Variants in TTC27 observed in about 807,000 individuals in gnomAD.
TTC27 encodes the protein tetratricopeptide repeat protein 27.
Under a neutral mutation model 115.9 loss-of-function variants are expected in TTC27, and 79 were observed. The observed-to-expected ratio is 0.68, with a 90% CI of 0.57 to 0.82. TTC27 has a LOEUF of 0.82. Among genes scored for constraint, TTC27 ranks in the 40% least tolerant of loss-of-function variants. The pLI is 0.00. For missense variants in TTC27, 1,054 were observed against 993.1 expected, an observed-to-expected ratio of 1.06 and a Z score of -0.82; for synonymous variants, 401 against 356.0, an observed-to-expected ratio of 1.13 and a Z score of -1.42.
At chr2:32,802,073 A>T (rs780714613) in intron 16 of TTC27, among the ~76,000 whole-genome samples, 11 of 152,120 alleles carry the variant, frequency 7.2e-5, no homozygotes, top group Non-Finnish European at 1.3e-4. Flanking sequence ...TAGAAAGCGG[A>T]TGGAAAACTC....
At chr2:32,735,527 A>G (rs1668425291) in intron 11 of TTC27, among the ~76,000 whole-genome samples, 1 of 152,238 alleles carries the variant, frequency 6.6e-6, no homozygotes, top group Non-Finnish European at 1.5e-5. Flanking sequence ...ATCTTCAGGC[A>G]GTTAGATAAG....
intron 3 of TTC27, among the ~76,000 whole-genome samples, chr2:32,639,489 A>G (rs969395980): frequency 1.3e-5 from 2 of 152,042 alleles, no homozygotes; most frequent in African/African-American, 2.4e-5. Context: ...GTTTGGCTTG[A>G]TAGAAATTAT....
At chr2:32,793,571 G>A (rs1670605544) in intron 16 of TTC27, among the ~76,000 whole-genome samples, 1 of 152,202 alleles carries the variant, frequency 6.6e-6, no homozygotes, top group Non-Finnish European at 1.5e-5. Flanking sequence ...CACCCAGGCT[G>A]GAATACAATG....
intron 9 of TTC27, among the ~76,000 whole-genome samples, chr2:32,692,479 T>C (rs919901083): frequency 6.6e-6 from 1 of 152,154 alleles, no homozygotes; most frequent in African/African-American, 2.4e-5. Context: ...AAAGTAGTTC[T>C]GGAGACTGGT....
intron 5 of TTC27, among the ~76,000 whole-genome samples, chr2:32,654,424 C>A (rs1452726935): frequency 1.3e-5 from 2 of 151,878 alleles, no homozygotes; most frequent in Non-Finnish European, 2.9e-5. Flanking sequence ...GTTTAATTAA[C>A]CTATAATAAG....
chr2:32,749,533 A>G (rs1312267297), intron 12 of TTC27, among the ~76,000 whole-genome samples: 5 of 152,218 alleles, frequency 3.3e-5, no homozygotes, highest in African/African-American at 7.2e-5. Flanking sequence ...TATTATTGCA[A>G]GTCTTTGGTT....
At chr2:32,802,941 T>C (rs1468736852) in intron 16 of TTC27, among the ~76,000 whole-genome samples, 1 of 152,242 alleles carries the variant, frequency 6.6e-6, no homozygotes, top group Non-Finnish European at 1.5e-5. Context: ...TATTTTATCA[T>C]GGTTGTACTT....
intron 13 of TTC27, 88 bp downstream of exon 13, chr2:32,758,607 C>A (rs1669327251): frequency 8.1e-7 from 1 of 1,233,332 alleles, no homozygotes; most frequent in African/African-American, 1.5e-5. Context: ...ATTTTCTAAC[C>A]TGATAACTGG....
intron 10 of TTC27, among the ~76,000 whole-genome samples, chr2:32,708,510 A>G (rs965029632): frequency 2.0e-5 from 3 of 151,306 alleles, no homozygotes; most frequent in African/African-American, 7.3e-5. Flanking sequence ...CACATTTACC[A>G]TATTGGTCAG....
At chr2:32,804,986 C>T (rs1481179898) in intron 16 of TTC27, among the ~76,000 whole-genome samples, 1 of 152,116 alleles carries the variant, frequency 6.6e-6, no homozygotes, top group Non-Finnish European at 1.5e-5. Flanking sequence ...AAGTTACTAG[C>T]ATACATATTT....
chr2:32,649,955 T>C (rs987674277), intron 4 of TTC27, among the ~76,000 whole-genome samples, 176 bp from the exon 5 acceptor site: 26 of 152,124 alleles, frequency 1.7e-4, no homozygotes, highest in Non-Finnish European at 2.9e-5. Context: ...GTTATTCTTA[T>C]GGAAGACACA....
At chr2:32,798,555 A>C (rs1670797561) in intron 16 of TTC27, among the ~76,000 whole-genome samples, 1 of 148,304 alleles carries the variant, frequency 6.7e-6, no homozygotes, top group African/African-American at 2.5e-5. Context: ...TACAACAAAA[A>C]TTAGCCAGGC....
At position 32,820,807 on chromosome 2, in the gene TTC27, A is replaced by G. The variant is rs1671674917; in HGVS notation, c.2410-9A>G. 1.3e-6 allele frequency: 2 copies of G among 1,514,672 alleles called. No homozygotes were observed. Among genetic ancestry groups the G allele is most frequent in the African/African-American group, 2.8e-5 (2 of 72,282 alleles). The allele number at this position is 1,514,672 out of a possible 1,614,324, so 93.8% of individuals were successfully genotyped here. On this transcript the variant is annotated splice_polypyrimidine_tract_variant and intron_variant, in intron 19 of 19. Transcript: ENST00000317907. ...TTTTAATACTTCTGCTTTGTTTTTT[A>G]TATTACAGCAACTTTTTACAGATGT... is the stretch of plus-strand genomic sequence containing the variant.
In TTC27 at chr2:32,628,244, C is replaced by A. The variant is rs767274575; in HGVS notation, c.-49C>A. 5.8e-6 allele frequency: 9 copies of A among 1,550,354 alleles called. No homozygotes were observed. Among genetic ancestry groups the A allele is most frequent in the Non-Finnish European group, 7.9e-6 (9 of 1,137,384 alleles). The stretch of plus-strand genomic sequence containing the variant: ...GTTTTCACTTTCTTTTGTTGACTCC[C>A]GTGTGGCCCTCGTGGGAGCCTGTTT... On this transcript the variant is annotated 5_prime_UTR_variant, in exon 1 of 20. Coordinates refer to ENST00000317907, the MANE Select transcript of TTC27 (RefSeq NM_017735.5).
intron 9 of TTC27, among the ~76,000 whole-genome samples, chr2:32,679,792 GAC>G (rs1376555089): frequency 5.9e-5 from 9 of 152,204 alleles, no homozygotes; most frequent in African/African-American, 2.2e-4. Flanking sequence ...CAGGGGTTCG[GAC>G]CAGCCTGGCC....
chr2:32,647,488 T>C (rs1461860580), intron 4 of TTC27, among the ~76,000 whole-genome samples: 2 of 152,238 alleles, frequency 1.3e-5, no homozygotes, highest in Non-Finnish European at 2.9e-5. Flanking sequence ...GATAATTTTA[T>C]ATTTCCTTAC....
intron 12 of TTC27, among the ~76,000 whole-genome samples, chr2:32,751,968 C>T (rs1451950879): frequency 6.6e-6 from 1 of 152,140 alleles, no homozygotes; most frequent in African/African-American, 2.4e-5. Flanking sequence ...ATCAGCTGCC[C>T]ATCTAGTTTG....
chr2:32,689,507 G>A (rs1023302694), intron 9 of TTC27, among the ~76,000 whole-genome samples: 2 of 152,056 alleles, frequency 1.3e-5, no homozygotes, highest in Admixed American at 6.6e-5. Context: ...ATAGGAAATT[G>A]CTTAGTGTTC....
chr2:32,756,258 C>G (rs1164827588), intron 12 of TTC27, among the ~76,000 whole-genome samples: 13 of 152,222 alleles, frequency 8.5e-5, no homozygotes, highest in Non-Finnish European at 1.5e-5. Context: ...ATCGGGCTGT[C>G]AAGAGAAATG....
Sources: allele counts gnomAD v4.1 joint callset (sites outside exome capture counted in the v4.1 genomes callset), GRCh38; gene constraint gnomAD v4.1.1; transcripts MANE v1.5; gene names NCBI Gene and HGNC (gene_info 2026-07-23, HGNC 2026-07-21).